SECISBP2: variants seen among roughly 807,000 people sequenced by gnomAD.
SECISBP2 encodes the protein SECIS binding protein 2, also known as selenocysteine insertion sequence-binding protein 2.
A neutral mutation model predicts 98.2 loss-of-function variants in SECISBP2; 96 were observed. That is an observed-to-expected ratio of 0.98 (90% CI 0.83 to 1.16). The LOEUF (loss-of-function observed/expected upper bound fraction) is 1.16, where lower values mean the gene tolerates loss of function less well. Ranked by LOEUF, SECISBP2 falls within the 50% of genes most tolerant of loss-of-function variation. The pLI is 0.00. For missense variants in SECISBP2, 1,046 were observed against 1,022.9 expected (o/e 1.02, Z -0.31); for synonymous variants, 407 against 370.2 (o/e 1.10, Z -1.14).
At chr9:89,332,161 C>T (rs1387647233) in intron 5 of SECISBP2, among the ~76,000 whole-genome samples, 3 of 151,954 alleles carry the variant, frequency 2.0e-5, no homozygotes, top group Middle Eastern at 3.2e-3. Flanking sequence ...ATTTTATGTT[C>T]GAGAGCAGTT....
intron 5 of SECISBP2, 193 bp downstream of exon 5, chr9:89,329,079 C>T: frequency 3.4e-6 from 2 of 595,476 alleles, no homozygotes; most frequent in East Asian, 5.6e-5. Context: ...GCTGTAACAT[C>T]TAGTGCAGCT....
Position 89,332,942 on chromosome 9 carries a change from CTG to C in SECISBP2, c.838_839del (p.Val280AsnfsTer3), listed in dbSNP as rs757856495. 6.2e-7 allele frequency: 1 copy of C among 1,613,960 alleles called. No individual in the cohort carries two copies. Among genetic ancestry groups the C allele is most frequent in the Admixed American group, 1.7e-5 (1 of 60,026 alleles). ...GTGGTGAAAAATAACCCAAATGAAT[CTG>C]TAACTGCTAATGCCGCTACCAATTC... On this transcript the variant is annotated frameshift_variant, in exon 6 of 17. Transcript: ENST00000375807. LOFTEE classifies it high-confidence loss of function.
intron 2 of SECISBP2, 88 bp downstream of exon 2, chr9:89,319,885 C>T (rs1825412112): frequency 3.0e-6 from 4 of 1,352,848 alleles, no homozygotes; most frequent in Admixed American, 1.7e-5. Context: ...AGTTACTGCA[C>T]TAAAGTTCTG....
chr9:89,354,664 C>T lies in SECISBP2; in HGVS notation c.2114-2747C>T, dbSNP rs569904623. 7.0e-5 allele frequency: 30 copies of T among 426,386 alleles called. No homozygotes were observed. The East Asian group carries it at 1.7e-3, about 25-fold the overall frequency. The allele number at this position is 426,386 out of a possible 1,614,324, so 26.4% of individuals were successfully genotyped here. The stretch of plus-strand genomic sequence containing the variant: ...TCTTACCAGTTAAGGTGGTGGGAAC[C>T]CTCCCAAAATCCAAGTTCACAGACC... On this transcript the variant is annotated intron_variant, in intron 14 of 16. Transcript: ENST00000375807.
rs904138366 is a variant in SECISBP2 at position 89,359,385 on chromosome 9, A to T, written c.*561A>T. 2 of 155,032 alleles carry T rather than the reference A, an allele frequency of 1.3e-5. No homozygotes were observed. Among genetic ancestry groups the T allele is most frequent in the Admixed American group, 6.3e-5 (1 of 15,778 alleles). 9.6% of individuals were successfully genotyped at this position (155,032 alleles called of 1,614,324 possible). A position where few individuals can be genotyped will look rare whatever the true frequency, so the allele number is the denominator to read the frequency against. On this transcript the variant is annotated 3_prime_UTR_variant, in exon 17 of 17. Coordinates refer to ENST00000375807, the MANE Select transcript of SECISBP2 (RefSeq NM_024077.5). ...TTTGGGAACACTTGGAGGATTTGCTAAAATGAGCCTCAGAAGGAAAATTGG... is the reference window on the plus strand; with the variant it reads ...TTTGGGAACACTTGGAGGATTTGCTTAAATGAGCCTCAGAAGGAAAATTGG...
In SECISBP2 at chr9:89,325,467, A is replaced by T; in HGVS notation, c.223A>T (p.Thr75Ser). 1 of 1,613,896 alleles carries T rather than the reference A, an allele frequency of 6.2e-7. No individual in the cohort carries two copies. Among genetic ancestry groups the T allele is most frequent in the Non-Finnish European group, 8.5e-7 (1 of 1,179,892 alleles). Residue 75 changes from threonine to serine, a missense_variant, in exon 3 of 17, where the codon ACT becomes TCT. Physicochemically the swap from Thr to Ser is moderately conservative, Grantham distance 58. Transcript: ENST00000375807. ...YTEDMAFGAS[T>S]FPPQYLSSEI... ...TGAAGACATGGCCTTTGGAGCTTCA[A>T]CTTTTCCACCTCAGTATTTATCTTC... is the stretch of plus-strand genomic sequence containing the variant.
rs1401185241 is a variant in SECISBP2, at chr9:89,319,813, A to G, written c.182+16A>G. Reference sequence around the variant, plus strand: ...CAGTGACAGAGTATGTATCTTTCTAAAAGTCTTACCTAGGGGCTTACATTT... The same window carrying G: ...CAGTGACAGAGTATGTATCTTTCTAGAAGTCTTACCTAGGGGCTTACATTT... On this transcript the variant is annotated intron_variant, in intron 2 of 16. Coordinates refer to ENST00000375807, the MANE Select transcript of SECISBP2 (RefSeq NM_024077.5). 2.5e-6 allele frequency: 4 copies of G among 1,613,262 alleles called. No homozygotes were observed. Among genetic ancestry groups the G allele is most frequent in the East Asian group, 2.2e-5 (1 of 44,874 alleles).
chr9:89,321,831 T>G (rs1825862321), intron 2 of SECISBP2, among the ~76,000 whole-genome samples: 1 of 152,170 alleles, frequency 6.6e-6, no homozygotes, highest in South Asian at 2.1e-4. Context: ...ATAATGAGAC[T>G]TCACATGGTT....
At chr9:89,350,481 C>G in intron 13 of SECISBP2, 151 bp from the exon 14 acceptor site, 1 of 768,026 alleles carries the variant, frequency 1.3e-6, no homozygotes, top group Non-Finnish European at 2.3e-6. Context: ...ATTAAATCAT[C>G]AGGAATTCCA....
intron 7 of SECISBP2, among the ~76,000 whole-genome samples, chr9:89,334,932 G>A (rs1008732766): frequency 2.0e-5 from 3 of 152,136 alleles, no homozygotes; most frequent in Admixed American, 6.5e-5. Context: ...TAGTTAAGAC[G>A]GGCCGGGTGC....
At chr9:89,335,203 G>A (rs1238472179) in intron 7 of SECISBP2, among the ~76,000 whole-genome samples, 1 of 148,442 alleles carries the variant, frequency 6.7e-6, no homozygotes, top group Non-Finnish European at 1.5e-5. Context: ...GCAACACAGT[G>A]AGACGTCGTC....
chr9:89,358,145 A>G lies in SECISBP2; in HGVS notation c.2415A>G (p.Ala805=). ...CCACACAGGGCCCCAGCTGCCCTGCAGAAGATGGCCCCCCAGCCCTGAAAG... is the reference window on the plus strand; with the variant it reads ...CCACACAGGGCCCCAGCTGCCCTGCGGAAGATGGCCCCCCAGCCCTGAAAG... ...SLPTQGPSCP[A]EDGPPALKEK... Residue 805 remains alanine (A), a synonymous_variant, in exon 16 of 17, where the codon GCA becomes GCG. Coordinates refer to ENST00000375807, the MANE Select transcript of SECISBP2 (RefSeq NM_024077.5). The G allele has an allele frequency of 6.2e-7, 1 of 1,613,816 alleles. No homozygotes were observed. The highest frequency in any genetic ancestry group is 8.5e-7 in the Non-Finnish European group (1 of 1,179,914).
intron 10 of SECISBP2, among the ~76,000 whole-genome samples, chr9:89,341,778 C>G (rs1829693169): frequency 6.6e-6 from 1 of 152,160 alleles, no homozygotes; most frequent in Non-Finnish European, 1.5e-5. Context: ...TACCTCCTAC[C>G]TCACACCATA....
downstream of SECISBP2, chr9:89,364,329 G>A: frequency 3.0e-6 from 1 of 335,902 alleles, no homozygotes. Context: ...GTGACCACAT[G>A]GACAGAGACA....
At chr9:89,350,510 C>T in intron 13 of SECISBP2, 122 bp from the exon 14 acceptor site, 2 of 865,280 alleles carry the variant, frequency 2.3e-6, no homozygotes, top group Non-Finnish European at 4.0e-6. Flanking sequence ...GTTAGTAGTA[C>T]TTGTTGAAAC....
chr9:89,353,623 C>T (rs969401687), intron 14 of SECISBP2, among the ~76,000 whole-genome samples: 2 of 152,156 alleles, frequency 1.3e-5, no homozygotes, highest in African/African-American at 4.8e-5. Flanking sequence ...TCACTGTTGG[C>T]TTAGGTTGGC....
chr9:89,347,995 G>A (rs1830681501), intron 11 of SECISBP2, 84 bp from the exon 12 acceptor site: 15 of 1,380,600 alleles, frequency 1.1e-5, no homozygotes, highest in Non-Finnish European at 1.5e-5. Context: ...CCAAAAAGTT[G>A]AACTTGGGCA....
intron 10 of SECISBP2, 119 bp downstream of exon 10, chr9:89,341,598 A>G: frequency 1.8e-6 from 2 of 1,116,288 alleles, no homozygotes; most frequent in Non-Finnish European, 2.7e-6. Context: ...TGATGCTAGA[A>G]TAAGCATAGA....
In SECISBP2 at chr9:89,349,902, C is replaced by T. The variant is rs1297392051; in HGVS notation, c.1865C>T (p.Pro622Leu). Residue 622 changes from proline (P) to leucine (L), a missense_variant, in exon 13 of 17, where the codon CCT becomes CTT. Pro to Leu is a moderately conservative substitution (Grantham distance 98, BLOSUM62 -3). Coordinates refer to ENST00000375807, the MANE Select transcript of SECISBP2 (RefSeq NM_024077.5). ...SHLAPNHTTF[P>L]KIHSRRFRDY... is the part of the protein sequence containing the mutation. ...CTTGCTCCCAATCACACCACCTTCCCTAAGATCCACAGCCGCAGATTCAGG... is the reference window on the plus strand; with the variant it reads ...CTTGCTCCCAATCACACCACCTTCCTTAAGATCCACAGCCGCAGATTCAGG... 6.2e-7 allele frequency: 1 copy of T among 1,614,218 alleles called. No individual in the cohort carries two copies. The highest frequency in any genetic ancestry group is 1.7e-5 in the Admixed American group (1 of 60,026).
Sources: gnomAD v4.1 joint callset for allele counts (sites outside exome capture counted in the v4.1 genomes callset) on GRCh38, gnomAD v4.1.1 for gene constraint, MANE v1.5 for transcripts, NCBI Gene and HGNC (gene_info 2026-07-23, HGNC 2026-07-21) for gene names.